EZH1: variants seen among roughly 807,000 people sequenced by gnomAD.
The protein encoded by EZH1 is enhancer of zeste 1 polycomb repressive complex 2 subunit, also known as histone-lysine N-methyltransferase EZH1.
Under a neutral mutation model 100.5 loss-of-function variants are expected in EZH1, and 33 were observed. The observed-to-expected ratio is 0.33, with a 90% CI of 0.25 to 0.44. The LOEUF (loss-of-function observed/expected upper bound fraction) is 0.44, where lower values mean the gene tolerates loss of function less well. EZH1 is among the 20% of genes least tolerant of loss of function. The pLI is 1.00. For synonymous variants in EZH1, 272 were observed against 313.8 expected (o/e 0.87, Z 1.41); for missense variants, 475 against 928.4 (o/e 0.51, Z 6.35).
In EZH1 at chr17:42,734,666, C is replaced by CA. The variant is rs61706510; in HGVS notation, c.-102-3749dup. ...CCTGGGTGACAGAGTGAGGCCTTGTCAAAAAAAAAAAAAAAAGTAAAGAAA... is the reference window on the plus strand; with the variant it reads ...CCTGGGTGACAGAGTGAGGCCTTGTCAAAAAAAAAAAAAAAAAGTAAAGAAA... On this transcript the variant is annotated intron_variant, in intron 1 of 20. Transcript: ENST00000428826. 9.4e-3 allele frequency among the ~76,000 whole-genome samples: 655 copies of CA among 69,990 alleles called. 3 individuals are homozygous for CA. Among genetic ancestry groups the CA allele is most frequent in the Middle Eastern group, 0.019 (2 of 106 alleles). The allele number at this position is 69,990 out of a possible 152,430, so 45.9% of individuals were successfully genotyped here. A position where few individuals can be genotyped will look rare whatever the true frequency, so the allele number is the denominator to read the frequency against.
chr17:42,713,176 A>C (rs766527434), intron 11 of EZH1, 33 bp downstream of exon 11: 5 of 1,607,692 alleles, frequency 3.1e-6, no homozygotes, highest in South Asian at 2.2e-5. Flanking sequence ...CCTTGCATGG[A>C]AAGAAAAAGT....
At chr17:42,710,090 T>C (rs1432662056) in intron 12 of EZH1, among the ~76,000 whole-genome samples, 153 bp from the exon 13 acceptor site, 4 of 152,076 alleles carry the variant, frequency 2.6e-5, no homozygotes, top group Admixed American at 6.6e-5. Flanking sequence ...CACTGGAACA[T>C]TGGGTTACTG....
rs920013773 is a variant in EZH1 at position 42,718,786 on chromosome 17, G to A, written c.768-169C>T. On this transcript the variant is annotated intron_variant, in intron 8 of 20. Coordinates refer to ENST00000428826, the MANE Select transcript of EZH1 (RefSeq NM_001991.5). This position sits in a 1 kb window ranked among gnomAD's most constrained non-coding sequence, Gnocchi z 4.2. Reference sequence around the variant, plus strand: ...AGATAACTAGAGTGGGTCCACCATTGTAATTATGCTGGGTTGGGCAAATGT... The same window carrying A: ...AGATAACTAGAGTGGGTCCACCATTATAATTATGCTGGGTTGGGCAAATGT... Among the ~76,000 whole-genome samples the A allele has an allele frequency of 1.3e-5, 2 of 152,102 alleles. No homozygotes were observed. The highest frequency in any genetic ancestry group is 4.8e-5 in the African/African-American group (2 of 41,404).
At chr17:42,739,489 T>C (rs1359163493) in intron 1 of EZH1, among the ~76,000 whole-genome samples, 1 of 152,118 alleles carries the variant, frequency 6.6e-6, no homozygotes, top group African/African-American at 2.4e-5. Flanking sequence ...CCCAGCACTT[T>C]GGGAGGCCAA....
Position 42,708,028 on chromosome 17 carries a change from G to A in EZH1, c.1590C>T (p.Pro530=). The change falls in exon 15 of 21, where the codon CCC becomes CCT. Residue 530 remains proline, a synonymous_variant. Transcript: ENST00000428826. ...TGATGCAGGGGCAGGTGCTGTCACAGGGGCGGTCTGGGTGGTCGCAGGGTT... is the reference window on the plus strand; with the variant it reads ...TGATGCAGGGGCAGGTGCTGTCACAAGGGCGGTCTGGGTGGTCGCAGGGTT... ...NYQPCDHPDR[P]CDSTCPCIMT... is the part of the protein sequence containing the mutation. 1.2e-6 allele frequency: 2 copies of A among 1,613,590 alleles called. No individual in the cohort carries two copies. The highest frequency in any genetic ancestry group is 1.7e-6 in the Non-Finnish European group (2 of 1,179,878).
At chr17:42,739,693 C>G (rs2054139499) in intron 1 of EZH1, among the ~76,000 whole-genome samples, 1 of 151,876 alleles carries the variant, frequency 6.6e-6, no homozygotes, top group Non-Finnish European at 1.5e-5. Flanking sequence ...TGCCATTGCA[C>G]TCCAGTCTGA....
At chr17:42,729,906 C>G (rs2053906549) in intron 2 of EZH1, among the ~76,000 whole-genome samples, 1 of 151,946 alleles carries the variant, frequency 6.6e-6, no homozygotes, top group Non-Finnish European at 1.5e-5. Context: ...GATGTGGTGG[C>G]ACACGCCTAT....
At chr17:42,708,221 GA>G (rs1221749089) in intron 14 of EZH1, 138 bp from the exon 15 acceptor site, 5 of 1,009,968 alleles carry the variant, frequency 5.0e-6, no homozygotes, top group Non-Finnish European at 7.0e-6. Flanking sequence ...CCTGAAGTGA[GA>G]AGACAGGGAT....
At chr17:42,711,173 T>TA (rs917638629) in intron 12 of EZH1, among the ~76,000 whole-genome samples, 22 of 150,376 alleles carry the variant, frequency 1.5e-4, no homozygotes, top group African/African-American at 4.9e-4. Context: ...CCATCTCTAC[T>TA]AAAAAAAAAT....
chr17:42,738,449 GTATTTATTAT>G (rs1202402507), intron 1 of EZH1, among the ~76,000 whole-genome samples: 18 of 149,546 alleles, frequency 1.2e-4, no homozygotes, highest in African/African-American at 4.1e-4. Context: ...TTTATTATTT[GTATTTATTAT>G]TATTTTTTGA....
Position 42,712,427 on chromosome 17 carries a change from T to G in EZH1, c.1263A>C (p.Gln421His). ...TKQKASPAPP[Q>H]LCVVEAPSEP... The stretch of plus-strand genomic sequence containing the variant: ...CCGAGGGTGCTTCCACTACGCAGAG[T>G]TGAGGTGGGGCTGGACTAGCCTTCT... The change falls in exon 12 of 21, where the codon CAA (glutamine) becomes CAC (histidine). Residue 421 changes from glutamine to histidine, a missense_variant. Coordinates refer to ENST00000428826, the MANE Select transcript of EZH1 (RefSeq NM_001991.5). The G allele has an allele frequency of 6.2e-7, 1 of 1,613,962 alleles. No individual in the cohort carries two copies. Among genetic ancestry groups the G allele is most frequent in the Non-Finnish European group, 8.5e-7 (1 of 1,179,976 alleles).
chr17:42,703,747 A>G lies in EZH1; in HGVS notation c.2091T>C (p.Tyr697=), dbSNP rs2053292933. 1 of 1,613,764 alleles carries G rather than the reference A, an allele frequency of 6.2e-7. No individual in the cohort carries two copies. The part of the protein sequence containing the change: ...FANHSVNPNC[Y]AKVVMVNGDH... ...CAGGTTACTGGGACTCACCTTTGGC[A>G]TAACAGTTGGGATTCACTGAATGAT... Residue 697 remains tyrosine (Y), a synonymous_variant, in exon 19 of 21, where the codon TAT becomes TAC. Coordinates refer to ENST00000428826, the MANE Select transcript of EZH1 (RefSeq NM_001991.5).
At chr17:42,705,055 A>G in intron 17 of EZH1, 33 bp downstream of exon 17, 1 of 1,543,034 alleles carries the variant, frequency 6.5e-7, no homozygotes, top group Non-Finnish European at 9.0e-7. Flanking sequence ...GTCTCCCCCG[A>G]GTAAGAATGT....
chr17:42,714,957 TATAA>T (rs1240042476), intron 10 of EZH1, among the ~76,000 whole-genome samples: 1 of 139,122 alleles, frequency 7.2e-6, no homozygotes, highest in Non-Finnish European at 1.5e-5. Flanking sequence ...TTATATAATA[TATAA>T]ATATATGAAA....
chr17:42,728,612 G>A (rs528037977), intron 3 of EZH1, among the ~76,000 whole-genome samples: 1 of 151,104 alleles, frequency 6.6e-6, no homozygotes, highest in East Asian at 2.0e-4. Context: ...CGTGGTGGCA[G>A]GCGCCTGTAG....
chr17:42,718,631 G>A lies in EZH1; in HGVS notation c.768-14C>T. The A allele has an allele frequency of 6.2e-7, 1 of 1,613,696 alleles. No homozygotes were observed. The highest frequency in any genetic ancestry group is 8.5e-7 in the Non-Finnish European group (1 of 1,179,708). On this transcript the variant is annotated splice_polypyrimidine_tract_variant and intron_variant, in intron 8 of 20. Transcript: ENST00000428826. This position sits in a 1 kb window ranked among gnomAD's most constrained non-coding sequence, Gnocchi z 4.2. ...AGTTCTCGATACCTATTTAAGAAAA[G>A]AGAGATAAGAGTTCCTCCGAGGAAC...
intron 12 of EZH1, among the ~76,000 whole-genome samples, chr17:42,710,625 GTTTGTTT>G (rs1198050831): frequency 8.3e-6 from 1 of 121,182 alleles, no homozygotes; most frequent in Non-Finnish European, 1.8e-5. Context: ...TTCTGTTTTT[GTTTGTTT>G]TTTTTTTTTT....
chr17:42,732,972 A>G (rs2143854936), intron 1 of EZH1, among the ~76,000 whole-genome samples: 1 of 149,942 alleles, frequency 6.7e-6, no homozygotes, highest in South Asian at 2.1e-4. Context: ...TCATGCCTAT[A>G]ATTTCAACAC....
At position 42,702,515 on chromosome 17, in the gene EZH1, C is replaced by G. The variant is rs111425700; in HGVS notation, c.*17G>C. On this transcript the variant is annotated 3_prime_UTR_variant, in exon 21 of 21. Transcript: ENST00000428826. ...ACAGTGCCGCTACCATAAGTGCTGCCGTGGGGCCTGGGAGGGCTAAAGGAC... is the reference window on the plus strand; with the variant it reads ...ACAGTGCCGCTACCATAAGTGCTGCGGTGGGGCCTGGGAGGGCTAAAGGAC... 1 of 1,335,016 alleles carries G rather than the reference C, an allele frequency of 7.5e-7. No homozygotes were observed. Among genetic ancestry groups the G allele is most frequent in the South Asian group, 1.3e-5 (1 of 77,118 alleles). 82.7% of individuals were successfully genotyped at this position (1,335,016 alleles called of 1,614,324 possible). A position where few individuals can be genotyped will look rare whatever the true frequency, so the allele number is the denominator to read the frequency against.
Sources: allele counts gnomAD v4.1 joint callset (sites outside exome capture counted in the v4.1 genomes callset), GRCh38; gene constraint gnomAD v4.1.1; non-coding constraint Gnocchi (gnomAD v3.1); transcripts MANE v1.5; gene names NCBI Gene and HGNC (gene_info 2026-07-23, HGNC 2026-07-21).